The following NEMF variants were observed in gnomAD, a reference collection of about 807,000 sequenced individuals.
The protein encoded by NEMF is nuclear export mediator factor.
Under a neutral mutation model 162.2 loss-of-function variants are expected in NEMF, and 89 were observed. The ratio of observed to expected loss-of-function variants is 0.55; its 90% CI spans 0.46 to 0.65. NEMF has a LOEUF of 0.65. Among genes scored for constraint, NEMF ranks in the 30% least tolerant of loss-of-function variants. NEMF has a pLI of 0.00. For missense variants in NEMF, 1,133 were observed against 1,261.9 expected (o/e 0.90, Z 1.55); for synonymous variants, 421 against 404.5 (o/e 1.04, Z -0.49).
chr14:49,788,348 GC>G (rs1394207414), intron 28 of NEMF, among the ~76,000 whole-genome samples: 1 of 151,634 alleles, frequency 6.6e-6, no homozygotes, highest in African/African-American at 2.4e-5. Flanking sequence ...GGCTGGGCTT[GC>G]TGTACTGTTA....
intron 28 of NEMF, 141 bp downstream of exon 28, chr14:49,789,005 G>A (rs2139825152): frequency 1.4e-6 from 1 of 695,124 alleles, no homozygotes; most frequent in Non-Finnish European, 2.5e-6. Context: ...TAGTCTTTCA[G>A]GTTGTATTTC....
chr14:49,782,650 T>TAA lies in NEMF; in HGVS notation c.*1985_*1986insTT, dbSNP rs769491701. On this transcript the variant is annotated 3_prime_UTR_variant, in exon 33 of 33. Transcript: ENST00000298310. ...ATTTAAAATTGTGTTTCCTAAGACTTAGCACTCTCGAAAAACTAGGTTTAT... is the reference window on the plus strand; with the variant it reads ...ATTTAAAATTGTGTTTCCTAAGACTTAAAGCACTCTCGAAAAACTAGGTTTAT... The TAA allele has an allele frequency of 6.9e-7, 1 of 1,455,134 alleles. No homozygotes were observed. Among genetic ancestry groups the TAA allele is most frequent in the Non-Finnish European group, 9.4e-7 (1 of 1,063,732 alleles). 90.1% of individuals were successfully genotyped at this position (1,455,134 alleles called of 1,614,324 possible).
At chr14:49,844,122 C>CA (rs1030392945) in intron 4 of NEMF, among the ~76,000 whole-genome samples, 100 of 144,440 alleles carry the variant, frequency 6.9e-4, no homozygotes, top group South Asian at 2.4e-3. Context: ...CAAAACAAAA[C>CA]AAAAAAAAAA....
At position 49,834,380 on chromosome 14, in the gene NEMF, T is replaced by C. The variant is rs1892794883; in HGVS notation, c.644A>G (p.Glu215Gly). 2 of 1,604,058 alleles carry C rather than the reference T, an allele frequency of 1.2e-6. No homozygotes were observed. The highest frequency in any genetic ancestry group is 2.7e-5 in the African/African-American group (2 of 74,856). ...NGFSGNVKVD[E>G]KLETKDIEKV... ...AGACATACCTTTAGTTTCAAGTTTT[T>C]CATCCACTTTGACATTACCCGAGAA... is the stretch of plus-strand genomic sequence containing the variant. Residue 215 changes from glutamate to glycine, a missense_variant, in exon 7 of 33, where the codon GAA (glutamate) becomes GGA (glycine). Physicochemically the swap from Glu to Gly is moderately conservative, Grantham distance 98. Around this residue, in one of 3 missense-constraint regions of NEMF, gnomAD observed 582 missense variants for 631.5 expected, o/e 0.92. Transcript: ENST00000298310.
chr14:49,827,315 T>C (rs1892404363), intron 15 of NEMF, among the ~76,000 whole-genome samples: 1 of 152,128 alleles, frequency 6.6e-6, no homozygotes, highest in Admixed American at 6.5e-5. Context: ...GCCGCCCAAG[T>C]AGCTGGGATT....
rs367832894 is a variant in NEMF, at chr14:49,806,007, A to T, written c.1857+14T>A. 4 of 1,564,788 alleles carry T rather than the reference A, an allele frequency of 2.6e-6. No individual in the cohort carries two copies. The highest frequency in any genetic ancestry group is 1.8e-6 in the Non-Finnish European group (2 of 1,139,276). On this transcript the variant is annotated intron_variant, in intron 19 of 32. Transcript: ENST00000298310. ...TCTTAGTAAATTAAGAAAAAGGACAAGAGCCCTTATTACCTGATGATGGTA... is the reference window on the plus strand; with the variant it reads ...TCTTAGTAAATTAAGAAAAAGGACATGAGCCCTTATTACCTGATGATGGTA...
chr14:49,842,558 G>A (rs1328907385), intron 4 of NEMF, among the ~76,000 whole-genome samples: 3 of 152,214 alleles, frequency 2.0e-5, no homozygotes, highest in Non-Finnish European at 2.9e-5. Context: ...AGTCAAAAAT[G>A]CCTTACAACT....
Position 49,840,705 on chromosome 14 carries a change from C to CA in NEMF, c.506+12dup. 1 of 1,603,810 alleles carries CA rather than the reference C, an allele frequency of 6.2e-7. No individual in the cohort carries two copies. Among genetic ancestry groups the CA allele is most frequent in the Non-Finnish European group, 8.5e-7 (1 of 1,176,890 alleles). On this transcript the variant is annotated intron_variant, in intron 5 of 32. Coordinates refer to ENST00000298310, the MANE Select transcript of NEMF (RefSeq NM_004713.6). ...ATACAATACGAAATGGGTTTAAAAACAAAACACTTTACCTTTCCAAAGTAA... is the reference window on the plus strand; with the variant it reads ...ATACAATACGAAATGGGTTTAAAAACAAAAACACTTTACCTTTCCAAAGTAA...
intron 8 of NEMF, 148 bp downstream of exon 8, chr14:49,833,275 C>T (rs1892733444): frequency 2.1e-6 from 1 of 469,264 alleles, no homozygotes; most frequent in East Asian, 3.3e-5. Flanking sequence ...AAAAACAAAA[C>T]AAAAAAACTA....
At position 49,814,876 on chromosome 14, in the gene NEMF, A is replaced by C. The variant is rs1443742610; in HGVS notation, c.1578-19T>G. On this transcript the variant is annotated intron_variant, in intron 16 of 32. Transcript: ENST00000298310. ...CTCAAACCTATCAAAATGAAAGAAA[A>C]AAAGTTAACTTTTCTTTATAGCTGC... The C allele has an allele frequency of 7.0e-7, 1 of 1,425,918 alleles. No individual in the cohort carries two copies. Among genetic ancestry groups the C allele is most frequent in the South Asian group, 1.3e-5 (1 of 79,470 alleles). The allele number at this position is 1,425,918 out of a possible 1,614,324, so 88.3% of individuals were successfully genotyped here. A position where few individuals can be genotyped will look rare whatever the true frequency, so the allele number is the denominator to read the frequency against.
chr14:49,846,046 GAAA>G, intron 4 of NEMF, 91 bp downstream of exon 4: 1 of 1,080,408 alleles, frequency 9.3e-7, no homozygotes, highest in Non-Finnish European at 1.3e-6. Flanking sequence ...CTTTGACACA[GAAA>G]AAAAATGTTC....
At position 49,795,776 on chromosome 14, in the gene NEMF, C is replaced by A. The variant is rs771351741; in HGVS notation, c.2619+15G>T. 2 of 1,599,226 alleles carry A rather than the reference C, an allele frequency of 1.3e-6. No homozygotes were observed. Among genetic ancestry groups the A allele is most frequent in the South Asian group, 2.3e-5 (2 of 87,824 alleles). ...CAAATTAACTGTGAACCATATAGATCATCCTGAAGTTTACCTTTTGTCCTC... is the reference window on the plus strand; with the variant it reads ...CAAATTAACTGTGAACCATATAGATAATCCTGAAGTTTACCTTTTGTCCTC... On this transcript the variant is annotated intron_variant, in intron 26 of 32. Coordinates refer to ENST00000298310, the MANE Select transcript of NEMF (RefSeq NM_004713.6).
At chr14:49,841,666 G>A (rs2140010848) in intron 4 of NEMF, among the ~76,000 whole-genome samples, 1 of 151,658 alleles carries the variant, frequency 6.6e-6, no homozygotes, top group East Asian at 1.9e-4. Flanking sequence ...ACTTCCACCT[G>A]CAATTTGTCT....
intron 26 of NEMF, among the ~76,000 whole-genome samples, chr14:49,790,764 TG>T (rs1488835736): frequency 6.6e-6 from 1 of 151,970 alleles, no homozygotes; most frequent in East Asian, 1.9e-4. Context: ...TCTGGGTAGG[TG>T]GATCACCTGA....
At chr14:49,796,581 C>T (rs766568212) in intron 25 of NEMF, among the ~76,000 whole-genome samples, 49 of 152,254 alleles carry the variant, frequency 3.2e-4, no homozygotes, top group Non-Finnish European at 5.1e-4. Flanking sequence ...AAACTTCTGA[C>T]CTCAGGTGAT....
chr14:49,843,352 G>T (rs146828662), intron 4 of NEMF, among the ~76,000 whole-genome samples: 220 of 152,184 alleles, frequency 1.4e-3, no homozygotes, highest in African/African-American at 5.1e-3. Context: ...AAATTGGCCA[G>T]GCATGGTGGT....
chr14:49,827,221 C>G (rs1036564407), intron 15 of NEMF, among the ~76,000 whole-genome samples: 1 of 152,176 alleles, frequency 6.6e-6, no homozygotes, highest in Non-Finnish European at 1.5e-5. Flanking sequence ...GAGTCTCGCT[C>G]TGTCTCCCAG....
At chr14:49,831,020 C>A (rs12100838) in intron 11 of NEMF, among the ~76,000 whole-genome samples, 3,330 of 152,280 alleles carry the variant, frequency 0.022, 138 homozygotes, top group African/African-American at 0.076. Flanking sequence ...TCTGAGCAAA[C>A]CACATTAAGG....
chr14:49,802,617 C>T lies in NEMF; in HGVS notation c.1975-44G>A, dbSNP rs111656161. ...TTCAGTGACGGAGCTTCAGACAAGA[C>T]TAATGAAAATCAGGAAAAAAACAAA... On this transcript the variant is annotated intron_variant, in intron 21 of 32. Coordinates refer to ENST00000298310, the MANE Select transcript of NEMF (RefSeq NM_004713.6). 2.7e-4 allele frequency: 435 copies of T among 1,611,552 alleles called. No homozygotes were observed. The African/African-American group carries it at 4.7e-3, about 17-fold the overall frequency.
Sources: allele counts gnomAD v4.1 joint callset (sites outside exome capture counted in the v4.1 genomes callset), GRCh38; gene constraint gnomAD v4.1.1; regional missense constraint gnomAD v4.1.1; transcripts MANE v1.5; gene names NCBI Gene and HGNC (gene_info 2026-07-23, HGNC 2026-07-21).